Variants in ADGRB3 observed in about 807,000 individuals in gnomAD.
ADGRB3 encodes brain-specific angiogenesis inhibitor 3.
In ADGRB3, 37 loss-of-function variants were observed where a neutral mutation model predicts 193.4. The observed-to-expected ratio is 0.19, with a 90% CI of 0.15 to 0.25. The LOEUF is 0.25. Ranked by LOEUF, ADGRB3 falls within the 10% of genes least tolerant of loss-of-function variation. The probability of loss-of-function intolerance (pLI) is 1.00; values close to 1 mark genes in which losing one functional copy is unlikely to be tolerated. For missense variants in ADGRB3, 1,637 were observed against 1,852.9 expected (o/e 0.88, Z 2.14); for synonymous variants, 690 against 644.2 (o/e 1.07, Z -1.08).
intron 17 of ADGRB3, among the ~76,000 whole-genome samples, chr6:69,165,187 T>A (rs1296631334): frequency 6.6e-6 from 1 of 152,056 alleles, no homozygotes; most frequent in Non-Finnish European, 1.5e-5. Context: ...CAGATCCTTT[T>A]GAAAATCTAT....
At chr6:68,837,132 A>C (rs1486378706) in intron 3 of ADGRB3, among the ~76,000 whole-genome samples, 1 of 152,176 alleles carries the variant, frequency 6.6e-6, no homozygotes, top group East Asian at 1.9e-4. Context: ...TGCACACCCC[A>C]AACCAGGAAC....
chr6:68,861,497 G>A (rs1765153636), intron 3 of ADGRB3, among the ~76,000 whole-genome samples: 1 of 152,094 alleles, frequency 6.6e-6, no homozygotes, highest in Admixed American at 6.6e-5. Flanking sequence ...GGGAGGTGGA[G>A]CTTGCAGTGA....
chr6:68,733,255 A>G (rs9346236), intron 3 of ADGRB3, among the ~76,000 whole-genome samples: 49,979 of 147,542 alleles, frequency 0.34, 8,687 homozygotes, highest in Middle Eastern at 0.36. Flanking sequence ...ATATATATAT[A>G]TAGGAATATG....
At chr6:69,351,709 G>C (rs1018298643) in intron 26 of ADGRB3, among the ~76,000 whole-genome samples, 1 of 152,176 alleles carries the variant, frequency 6.6e-6, no homozygotes, top group Non-Finnish European at 1.5e-5. Context: ...TTTTATATGT[G>C]TGTGTGTTCT....
At chr6:69,279,646 T>A (rs1767390964) in intron 20 of ADGRB3, among the ~76,000 whole-genome samples, 1 of 152,140 alleles carries the variant, frequency 6.6e-6, no homozygotes, top group Non-Finnish European at 1.5e-5. Flanking sequence ...ATTACCATTG[T>A]CAAGATTAAT....
chr6:69,385,972 A>C (rs984686837), intron 31 of ADGRB3, among the ~76,000 whole-genome samples: 1 of 152,012 alleles, frequency 6.6e-6, no homozygotes, highest in Non-Finnish European at 1.5e-5. Flanking sequence ...CTGACTTCTG[A>C]GTGCAGTAGT....
intron 30 of ADGRB3, among the ~76,000 whole-genome samples, chr6:69,379,474 C>T (rs906254506): frequency 5.3e-5 from 8 of 151,920 alleles, no homozygotes; most frequent in African/African-American, 1.7e-4. Flanking sequence ...AATAAATACT[C>T]ACACAAGTAA....
intron 17 of ADGRB3, among the ~76,000 whole-genome samples, chr6:69,171,837 T>C (rs1284943474): frequency 1.3e-5 from 2 of 152,158 alleles, no homozygotes; most frequent in Non-Finnish European, 2.9e-5. Context: ...TGCTACCCAA[T>C]ATCAATTTTT....
At chr6:69,234,848 A>G (rs1169358809) in intron 18 of ADGRB3, among the ~76,000 whole-genome samples, 184 bp from the exon 19 acceptor site, 1 of 152,104 alleles carries the variant, frequency 6.6e-6, no homozygotes, top group Admixed American at 6.5e-5. Context: ...GAGAGGGGGA[A>G]GCTGCAATTA....
chr6:68,963,424 C>T (rs535269460), intron 8 of ADGRB3, among the ~76,000 whole-genome samples: 1 of 152,200 alleles, frequency 6.6e-6, no homozygotes, highest in Non-Finnish European at 1.5e-5. Flanking sequence ...GACTTGCTTT[C>T]TCAAAAACTT....
intron 20 of ADGRB3, among the ~76,000 whole-genome samples, chr6:69,304,637 T>G (rs538159367): frequency 2.0e-5 from 3 of 151,656 alleles, no homozygotes; most frequent in Non-Finnish European, 4.4e-5. Flanking sequence ...AATTGTTTCT[T>G]CTACTGCTCT....
At chr6:68,639,515 C>T in intron 3 of ADGRB3, 83 bp downstream of exon 3, 1 of 1,395,472 alleles carries the variant, frequency 7.2e-7, no homozygotes, top group Non-Finnish European at 9.5e-7. Context: ...ACACACAGGC[C>T]TAATTATTTA....
At chr6:69,265,365 C>A (rs573324896) in intron 20 of ADGRB3, among the ~76,000 whole-genome samples, 1 of 151,908 alleles carries the variant, frequency 6.6e-6, no homozygotes, top group Non-Finnish European at 1.5e-5. Context: ...AGCACCATCC[C>A]ACCCCTAGCC....
chr6:69,195,897 G>A (rs1765283759), intron 17 of ADGRB3, among the ~76,000 whole-genome samples: 1 of 152,056 alleles, frequency 6.6e-6, no homozygotes, highest in Non-Finnish European at 1.5e-5. Flanking sequence ...TCTTTTCAGA[G>A]TTTGGAGTTT....
intron 17 of ADGRB3, among the ~76,000 whole-genome samples, chr6:69,121,394 A>G (rs917526914): frequency 6.6e-6 from 1 of 152,216 alleles, no homozygotes; most frequent in African/African-American, 2.4e-5. Flanking sequence ...GGAGTCTCCT[A>G]TGTCAACTTC....
At chr6:69,194,436 G>T (rs1448135991) in intron 17 of ADGRB3, among the ~76,000 whole-genome samples, 1 of 152,128 alleles carries the variant, frequency 6.6e-6, no homozygotes, top group Non-Finnish European at 1.5e-5. Context: ...AAAATCAGCA[G>T]AATTTCTTAA....
chr6:69,315,508 T>G (rs1768292198), intron 20 of ADGRB3, among the ~76,000 whole-genome samples: 2 of 151,542 alleles, frequency 1.3e-5, no homozygotes, highest in Non-Finnish European at 3.0e-5. Context: ...TTAGCCATTA[T>G]CTTATTTCAT....
At chr6:68,990,823 G>T (rs545440898) in intron 10 of ADGRB3, among the ~76,000 whole-genome samples, 3 of 152,088 alleles carry the variant, frequency 2.0e-5, no homozygotes, top group African/African-American at 7.2e-5. Context: ...ATTATTTACC[G>T]TGGCAACCAT....
rs962332237 is a variant in ADGRB3, at chr6:68,697,708, T to G, written c.757+58276T>G. ...AGGGGCAATGTCATTGCTTGCCACCTGTTATTTAATCTTTAGGATTTGGCA... is the reference window on the plus strand; with the variant it reads ...AGGGGCAATGTCATTGCTTGCCACCGGTTATTTAATCTTTAGGATTTGGCA... On this transcript the variant is annotated intron_variant, in intron 3 of 31. Coordinates refer to ENST00000370598, the MANE Select transcript of ADGRB3 (RefSeq NM_001704.3). 1.3e-4 allele frequency among the ~76,000 whole-genome samples: 19 copies of G among 151,948 alleles called. 1 individual carries two copies. The highest frequency in any genetic ancestry group is 6.6e-4 in the Admixed American group (10 of 15,204).
Sources: allele counts gnomAD v4.1 joint callset (sites outside exome capture counted in the v4.1 genomes callset), GRCh38; gene constraint gnomAD v4.1.1; transcripts MANE v1.5; gene names NCBI Gene and HGNC (gene_info 2026-07-23, HGNC 2026-07-21).